The following TBC1D1 variants were observed in gnomAD, a reference collection of about 807,000 sequenced individuals.
The protein encoded by TBC1D1 is TBC1 (tre-2/USP6, BUB2, cdc16) domain family, member 1.
TBC1D1 carries 89 observed loss-of-function variants against 125.6 expected under a neutral mutation model. The observed-to-expected ratio is 0.71, with a 90% CI of 0.60 to 0.85. The LOEUF (loss-of-function observed/expected upper bound fraction) is 0.85. Ranked by LOEUF, TBC1D1 falls within the 40% of genes least tolerant of loss-of-function variation. TBC1D1 has a pLI of 0.00. For missense variants in TBC1D1, 1,377 were observed against 1,469.2 expected (o/e 0.94, Z 1.03); for synonymous variants, 565 against 564.1 (o/e 1.00, Z -0.02).
intron 2 of TBC1D1, among the ~76,000 whole-genome samples, chr4:37,919,171 A>G (rs1219460930): frequency 6.6e-6 from 1 of 151,462 alleles, no homozygotes; most frequent in East Asian, 1.9e-4. Flanking sequence ...AAAGTTATAG[A>G]TTTTATTTTA....
At chr4:38,053,372 TACTG>T (rs1751090494) in intron 11 of TBC1D1, 147 bp downstream of exon 13, 2 of 712,746 alleles carry the variant, frequency 2.8e-6, no homozygotes, top group African/African-American at 1.8e-5. Context: ...ACTTTTTTCT[TACTG>T]AATGCCATTT....
chr4:38,045,651 A>G (rs1247661634), intron 9 of TBC1D1, among the ~76,000 whole-genome samples, 166 bp from the exon 10 acceptor site: 1 of 152,256 alleles, frequency 6.6e-6, no homozygotes, highest in African/African-American at 2.4e-5. Context: ...ATTTTTTAAA[A>G]AAATGATGGA....
chr4:38,035,283 TTG>T (rs1195249182), intron 7 of TBC1D1, among the ~76,000 whole-genome samples: 2 of 152,238 alleles, frequency 1.3e-5, no homozygotes, highest in African/African-American at 4.8e-5. Context: ...TATATGGATT[TTG>T]TGTTTTTCCT....
chr4:37,921,633 G>C (rs568920664), intron 2 of TBC1D1, among the ~76,000 whole-genome samples: 4 of 151,128 alleles, frequency 2.6e-5, no homozygotes, highest in Non-Finnish European at 4.4e-5. Flanking sequence ...GAATGGTCTC[G>C]ATCTCTTGAC....
chr4:37,938,065 T>A (rs1577948158), intron 2 of TBC1D1, among the ~76,000 whole-genome samples: 1 of 152,144 alleles, frequency 6.6e-6, no homozygotes, highest in Non-Finnish European at 1.5e-5. Context: ...ATGTCTCTTG[T>A]AGAGAGTTCT....
intron 2 of TBC1D1, among the ~76,000 whole-genome samples, chr4:37,913,011 G>A (rs1718938682): frequency 6.6e-6 from 1 of 152,164 alleles, no homozygotes; most frequent in Admixed American, 6.5e-5. Flanking sequence ...GACAGATGAG[G>A]GAAACTAGTT....
At chr4:37,962,861 A>G (rs902385317) in intron 2 of TBC1D1, among the ~76,000 whole-genome samples, 4 of 152,220 alleles carry the variant, frequency 2.6e-5, no homozygotes, top group Non-Finnish European at 5.9e-5. Context: ...TTTAAAAATC[A>G]CCCTAAGTCC....
At chr4:38,087,845 CAAA>C (rs1215951890) in intron 12 of TBC1D1, among the ~76,000 whole-genome samples, 22 of 67,874 alleles carry the variant, frequency 3.2e-4, no homozygotes, top group Admixed American at 8.4e-4. Flanking sequence ...GATTCCGTCT[CAAA>C]AAAAAAAAAA....
chr4:38,119,374 C>T (rs964432948), intron 17 of TBC1D1, among the ~76,000 whole-genome samples: 2 of 151,830 alleles, frequency 1.3e-5, no homozygotes, highest in African/African-American at 2.4e-5. Context: ...AAAGAGTTTC[C>T]CATTTTGCTT....
chr4:38,010,902 C>G (rs1741344990), intron 2 of TBC1D1, among the ~76,000 whole-genome samples: 1 of 152,166 alleles, frequency 6.6e-6, no homozygotes, highest in African/African-American at 2.4e-5. Flanking sequence ...ATCCCTGGCT[C>G]TGGCATCTAG....
rs138851986 is a variant in TBC1D1, at chr4:37,974,049, C to T, written c.418-40460C>T. ...TTCTCGCTCTAATGGAACTGTCAGC[C>T]TCCATCTCTTCTAAGTGTTTGGGAA... On this transcript the variant is annotated intron_variant, in intron 2 of 19. Coordinates refer to ENST00000261439, the MANE Select transcript of TBC1D1 (RefSeq NM_015173.4). Among the ~76,000 whole-genome samples, 313 of 152,332 alleles carry T rather than the reference C, an allele frequency of 2.1e-3. 1 individual carries two copies. The highest frequency in any genetic ancestry group is 7.3e-3 in the African/African-American group (305 of 41,574).
At chr4:38,012,398 A>G (rs921837435) in intron 2 of TBC1D1, among the ~76,000 whole-genome samples, 1 of 151,848 alleles carries the variant, frequency 6.6e-6, no homozygotes, top group African/African-American at 2.4e-5. Context: ...CTCCTGCCTC[A>G]GGAGTAGTGG....
chr4:37,946,838 A>G (rs562214398), intron 2 of TBC1D1, among the ~76,000 whole-genome samples: 5 of 152,354 alleles, frequency 3.3e-5, no homozygotes, highest in Non-Finnish European at 7.3e-5. Context: ...GGACTGCCTC[A>G]GGACTCCTTT....
At chr4:37,938,222 A>G (rs1453986381) in intron 2 of TBC1D1, among the ~76,000 whole-genome samples, 1 of 152,178 alleles carries the variant, frequency 6.6e-6, no homozygotes, top group Non-Finnish European at 1.5e-5. Flanking sequence ...GTCTAAAAAA[A>G]AATTATATGT....
At chr4:37,941,803 A>C (rs1725632377) in intron 2 of TBC1D1, among the ~76,000 whole-genome samples, 1 of 152,056 alleles carries the variant, frequency 6.6e-6, no homozygotes, top group African/African-American at 2.4e-5. Flanking sequence ...TTCAGGAGCA[A>C]GTTGTTCAGT....
chr4:38,045,542 T>C (rs1749269468), intron 9 of TBC1D1, among the ~76,000 whole-genome samples: 3 of 152,168 alleles, frequency 2.0e-5, no homozygotes, highest in Admixed American at 1.3e-4. Flanking sequence ...GAGCACTTGA[T>C]TTTCCTTATA....
chr4:37,892,318 A>G (rs1713514296), intron 1 of TBC1D1, among the ~76,000 whole-genome samples: 1 of 152,158 alleles, frequency 6.6e-6, no homozygotes, highest in African/African-American at 2.4e-5. Flanking sequence ...TGGGAGGCTG[A>G]GGCAGGAGGA....
At chr4:38,131,646 G>A (rs141293977) in intron 18 of TBC1D1, among the ~76,000 whole-genome samples, 3 of 152,302 alleles carry the variant, frequency 2.0e-5, no homozygotes, top group Non-Finnish European at 4.4e-5. Context: ...GTTAAGTACC[G>A]AGCTCAAGTC....
intron 2 of TBC1D1, among the ~76,000 whole-genome samples, chr4:37,934,662 A>C (rs1724008887): frequency 6.6e-6 from 1 of 152,146 alleles, no homozygotes; most frequent in Non-Finnish European, 1.5e-5. Flanking sequence ...GAGAGTCTGC[A>C]GGGGTTTCTG....
Sources: allele counts gnomAD v4.1 joint callset (sites outside exome capture counted in the v4.1 genomes callset), GRCh38; gene constraint gnomAD v4.1.1; transcripts MANE v1.5; gene names NCBI Gene and HGNC (gene_info 2026-07-23, HGNC 2026-07-21).